Variants in NIPBL observed in about 807,000 individuals in gnomAD.
The protein encoded by NIPBL is NIPBL cohesin loading factor, also known as nipped-B-like protein.
NIPBL carries 19 observed loss-of-function variants against 321.8 expected under a neutral mutation model. The ratio of observed to expected loss-of-function variants is 0.06; its 90% CI spans 0.04 to 0.09. The LOEUF (loss-of-function observed/expected upper bound fraction) is 0.09, where lower values mean the gene tolerates loss of function less well. Among genes scored for constraint, NIPBL ranks in the 10% least tolerant of loss-of-function variants. The pLI is 1.00. For missense variants in NIPBL, 2,210 were observed against 3,327.0 expected, an observed-to-expected ratio of 0.66 and a Z score of 8.26; for synonymous variants, 1,106 against 1,114.1, an observed-to-expected ratio of 0.99 and a Z score of 0.14.
intron 34 of NIPBL, among the ~76,000 whole-genome samples, chr5:37,041,252 G>GCTT (rs1752313760): frequency 1.6e-5 from 1 of 64,006 alleles, no homozygotes; most frequent in Non-Finnish European, 2.7e-5. Context: ...TTATGTGGTG[G>GCTT]TTTTTTTTTT....
chr5:36,908,181 C>T (rs1747783234), intron 1 of NIPBL, among the ~76,000 whole-genome samples: 1 of 152,050 alleles, frequency 6.6e-6, no homozygotes, highest in Non-Finnish European at 1.5e-5. Flanking sequence ...TGTTTACATG[C>T]TGAAAGACAA....
chr5:36,886,346 A>G, intron 1 of NIPBL: 1 of 702,672 alleles, frequency 1.4e-6, no homozygotes, highest in Non-Finnish European at 2.6e-6. Flanking sequence ...GCCACCTGCC[A>G]CCGCCTGCTT....
intron 17 of NIPBL, among the ~76,000 whole-genome samples, 154 bp downstream of exon 17, chr5:37,006,742 A>T (rs1301501206): frequency 6.6e-6 from 1 of 152,036 alleles, no homozygotes; most frequent in African/African-American, 2.4e-5. Flanking sequence ...TACTTGTTCA[A>T]TTATAATTTC....
intron 10 of NIPBL, 41 bp downstream of exon 10, chr5:36,986,342 T>C: frequency 1.5e-6 from 2 of 1,304,484 alleles, no homozygotes; most frequent in Non-Finnish European, 2.0e-6. Context: ...ATATAATCGA[T>C]TTTAAGTGTT....
chr5:36,952,291 G>A (rs1740471248), intron 1 of NIPBL, among the ~76,000 whole-genome samples: 1 of 151,878 alleles, frequency 6.6e-6, no homozygotes, highest in African/African-American at 2.4e-5. Context: ...AACTTAAGAG[G>A]TTCTCTTAAA....
intron 1 of NIPBL, among the ~76,000 whole-genome samples, chr5:36,884,814 T>C (rs931762421): frequency 1.8e-4 from 27 of 152,216 alleles, no homozygotes. Flanking sequence ...TAGAGCTGTG[T>C]CCTTGAGGGC....
intron 4 of NIPBL, among the ~76,000 whole-genome samples, chr5:36,960,854 A>G (rs1343158831): frequency 6.6e-6 from 1 of 152,236 alleles, no homozygotes; most frequent in Non-Finnish European, 1.5e-5. Flanking sequence ...TGTAAGAACC[A>G]GAATGCTCTT....
chr5:36,920,686 G>T (rs915083929), intron 1 of NIPBL, among the ~76,000 whole-genome samples: 1 of 152,096 alleles, frequency 6.6e-6, no homozygotes, highest in Non-Finnish European at 1.5e-5. Flanking sequence ...TTTCAGCAAA[G>T]AAAAATGTTG....
intron 9 of NIPBL, chr5:36,982,060 T>G (rs2149638376): frequency 5.0e-6 from 1 of 198,678 alleles, no homozygotes; most frequent in Non-Finnish European, 9.0e-6. Flanking sequence ...GTAATTGAGT[T>G]TAGAATTTCT....
Position 36,962,109 on chromosome 5 carries a change from GT to G in NIPBL, c.459-10del. The G allele has an allele frequency of 6.2e-7, 1 of 1,613,864 alleles. No individual in the cohort carries two copies. Among genetic ancestry groups the G allele is most frequent in the Non-Finnish European group, 8.5e-7 (1 of 1,179,888 alleles). On this transcript the variant is annotated splice_polypyrimidine_tract_variant and intron_variant, in intron 5 of 46. Coordinates refer to ENST00000282516, the MANE Select transcript of NIPBL (RefSeq NM_133433.4). ...TATTTCCTTATATTTTTTTATTTGGGTTTTGGGTTTTAGCCGGTTTGTGCCA... is the reference window on the plus strand; with the variant it reads ...TATTTCCTTATATTTTTTTATTTGGGTTTGGGTTTTAGCCGGTTTGTGCCA...
intron 1 of NIPBL, among the ~76,000 whole-genome samples, chr5:36,923,379 T>G (rs1283743577): frequency 6.6e-6 from 1 of 152,118 alleles, no homozygotes. Context: ...TTCTCTGAGA[T>G]ATATATATAT....
intron 1 of NIPBL, among the ~76,000 whole-genome samples, chr5:36,941,092 C>G (rs1204928465): frequency 6.6e-6 from 1 of 151,972 alleles, no homozygotes; most frequent in African/African-American, 2.4e-5. Flanking sequence ...TAAAAAAATT[C>G]AGGAAACCAG....
rs76767893 is a variant in NIPBL, at chr5:37,064,127, C to T, written c.8049+149C>T. Reference sequence around the variant, plus strand: ...TGTAGATAGAGATTCTCTACTTACCCGTTTATACATCCTTTTGTAGAAAGT... The same window carrying T: ...TGTAGATAGAGATTCTCTACTTACCTGTTTATACATCCTTTTGTAGAAAGT... On this transcript the variant is annotated intron_variant, in intron 46 of 46. Coordinates refer to ENST00000282516, the MANE Select transcript of NIPBL (RefSeq NM_133433.4). 88 of 1,433,316 alleles carry T rather than the reference C, an allele frequency of 6.1e-5. No homozygotes were observed. The East Asian group carries it at 2.1e-3, about 34-fold the overall frequency. 88.8% of individuals were successfully genotyped at this position (1,433,316 alleles called of 1,614,324 possible).
rs1387339270 is a variant in NIPBL at position 36,985,576 on chromosome 5, A to G, written c.2396A>G (p.Glu799Gly). 3 of 1,613,812 alleles carry G rather than the reference A, an allele frequency of 1.9e-6. No individual in the cohort carries two copies. The African/African-American group carries it at 4.0e-5, about 22-fold the overall frequency. The stretch of plus-strand genomic sequence containing the variant: ...CCTCGGTTAAAATCAGAACGAGCTG[A>G]AGCCTTAAAGCAGAGACCTGATGGG... ...DSPRLKSERAEALKQRPDGRS... is the reference protein window; with the variant it reads ...DSPRLKSERAGALKQRPDGRS... The change falls in exon 10 of 47, where the codon GAA becomes GGA. Residue 799 changes from glutamate (E) to glycine (G), a missense_variant. By Grantham distance (98) the Glu-to-Gly change is moderately conservative. Around this residue, in one of 14 missense-constraint regions of NIPBL, gnomAD observed 588 missense variants for 564.1 expected, o/e 1.04. Coordinates refer to ENST00000282516, the MANE Select transcript of NIPBL (RefSeq NM_133433.4).
intron 1 of NIPBL, among the ~76,000 whole-genome samples, chr5:36,877,849 A>G (rs1745213685): frequency 6.6e-6 from 1 of 152,208 alleles, no homozygotes. Context: ...ATACAGAAAA[A>G]CATACTGTGG....
intron 6 of NIPBL, among the ~76,000 whole-genome samples, chr5:36,968,844 C>G (rs1242922281): frequency 6.6e-6 from 1 of 152,030 alleles, no homozygotes; most frequent in South Asian, 2.1e-4. Flanking sequence ...AGATAAGAAG[C>G]GTTAAACTAT....
At chr5:37,000,620 G>A (rs1746681122) in intron 12 of NIPBL, 50 bp downstream of exon 12, 1 of 1,567,890 alleles carries the variant, frequency 6.4e-7, no homozygotes, top group Admixed American at 1.7e-5. Flanking sequence ...TTTAAATTTA[G>A]GGCTTTAACT....
chr5:37,026,086 G>A, intron 30 of NIPBL, 143 bp from the exon 31 acceptor site: 1 of 608,590 alleles, frequency 1.6e-6, no homozygotes, highest in Non-Finnish European at 3.0e-6. Flanking sequence ...AGAAAAAACT[G>A]AGGAAATTAA....
chr5:36,952,969 T>G (rs575082884), intron 1 of NIPBL, among the ~76,000 whole-genome samples: 1 of 152,332 alleles, frequency 6.6e-6, no homozygotes, highest in Admixed American at 6.5e-5. Flanking sequence ...ATTTGAGGTT[T>G]CATGAAATCG....
Sources: allele counts gnomAD v4.1 joint callset (sites outside exome capture counted in the v4.1 genomes callset), GRCh38; gene constraint gnomAD v4.1.1; regional missense constraint gnomAD v4.1.1; transcripts MANE v1.5; gene names NCBI Gene and HGNC (gene_info 2026-07-23, HGNC 2026-07-21).